Variants in OTUD7A observed in about 807,000 individuals in gnomAD.
OTUD7A encodes OTU domain-containing protein 7A.
In OTUD7A, 12 loss-of-function variants were observed where a neutral mutation model predicts 65.7. That is an observed-to-expected ratio of 0.18 (90% CI 0.12 to 0.30). The LOEUF is 0.30. Ranked by LOEUF, OTUD7A falls within the 10% of genes least tolerant of loss-of-function variation. OTUD7A has a pLI of 1.00. For missense variants in OTUD7A, 1,148 were observed against 1,304.8 expected, an observed-to-expected ratio of 0.88 and a Z score of 1.85; for synonymous variants, 641 against 586.3, an observed-to-expected ratio of 1.09 and a Z score of -1.35.
At chr15:31,761,381 CA>C (rs1175983355) in intron 1 of OTUD7A, among the ~76,000 whole-genome samples, 1 of 151,974 alleles carries the variant, frequency 6.6e-6, no homozygotes, top group Non-Finnish European at 1.5e-5. Context: ...AGATATTTCT[CA>C]AAAGAATACA....
intron 5 of OTUD7A, among the ~76,000 whole-genome samples, chr15:31,548,683 T>G (rs574510353): frequency 8.5e-4 from 130 of 152,246 alleles, no homozygotes; most frequent in African/African-American, 3.1e-3. Context: ...CCCCAATACG[T>G]GAAGGCTGCT....
chr15:31,826,883 T>G (rs1386158043), intron 1 of OTUD7A, among the ~76,000 whole-genome samples: 1 of 152,196 alleles, frequency 6.6e-6, no homozygotes, highest in African/African-American at 2.4e-5. Context: ...TAACAAGTCA[T>G]CTTTGCTTCA....
chr15:31,489,850 G>A (rs971201253), intron 10 of OTUD7A, among the ~76,000 whole-genome samples: 1 of 152,204 alleles, frequency 6.6e-6, no homozygotes, highest in Non-Finnish European at 1.5e-5. Flanking sequence ...GGCTGCCCAG[G>A]GCTCCAGTGC....
chr15:31,559,158 C>G lies in OTUD7A; in HGVS notation c.361G>C (p.Ala121Pro), dbSNP rs1310851544. The G allele has an allele frequency of 6.2e-7, 1 of 1,613,642 alleles. No individual in the cohort carries two copies. ...GCCAGGGAGACGATGGCTGAGCTGG[C>G]GTGGGAAATCCCCCGGGAAAGCCGC... is the stretch of plus-strand genomic sequence containing the variant. ...EKRLSRGISH[A>P]SSAIVSLARS... is the part of the protein sequence containing the mutation. The change falls in exon 5 of 13, where the codon GCC becomes CCC. Residue 121 changes from alanine (A) to proline (P), a missense_variant. Ala to Pro is a conservative substitution (Grantham distance 27, BLOSUM62 -1). Coordinates refer to ENST00000307050, the MANE Select transcript of OTUD7A (RefSeq NM_001382637.1).
In OTUD7A at chr15:31,865,825, T is replaced by C. The variant is rs1897862573; in HGVS notation, c.-100+4682A>G. On this transcript the variant is annotated intron_variant, in intron 1 of 12. Transcript: ENST00000307050. ...AGCACCATGTGAAACTTAACAGTAA[T>C]CTAATAAAACAAATGAAACGCTGAA... is the stretch of plus-strand genomic sequence containing the variant. 2.0e-5 allele frequency among the ~76,000 whole-genome samples: 3 copies of C among 152,164 alleles called. No homozygotes were observed. In the South Asian group the frequency reaches 6.2e-4, roughly 32 times the overall value.
chr15:31,726,792 T>C (rs2141355521), intron 1 of OTUD7A, among the ~76,000 whole-genome samples: 1 of 152,354 alleles, frequency 6.6e-6, no homozygotes, highest in South Asian at 2.1e-4. Flanking sequence ...ACGATGGCAT[T>C]GCCACGGTTC....
At chr15:31,867,025 G>C (rs1452471846) in intron 1 of OTUD7A, among the ~76,000 whole-genome samples, 1 of 152,144 alleles carries the variant, frequency 6.6e-6, no homozygotes, top group Non-Finnish European at 1.5e-5. Flanking sequence ...CAGTAGGAGA[G>C]AGGAGTCTTT....
At chr15:31,594,596 C>T (rs1889848534) in intron 3 of OTUD7A, among the ~76,000 whole-genome samples, 1 of 152,296 alleles carries the variant, frequency 6.6e-6, no homozygotes, top group African/African-American at 2.4e-5. Flanking sequence ...GGGTGGCCAA[C>T]CAGCCTACAC....
chr15:31,800,284 C>A (rs147165198), intron 1 of OTUD7A, among the ~76,000 whole-genome samples: 94 of 152,250 alleles, frequency 6.2e-4, no homozygotes, highest in African/African-American at 2.2e-3. Flanking sequence ...TTTCTGCTCC[C>A]AGGCAAAAAG....
intron 1 of OTUD7A, among the ~76,000 whole-genome samples, chr15:31,716,576 G>C (rs1893592374): frequency 7.3e-6 from 1 of 136,498 alleles, no homozygotes; most frequent in African/African-American, 2.5e-5. Flanking sequence ...TGTGCAGTGG[G>C]GAGAGACAAC....
chr15:31,502,067 C>T (rs948193780), intron 9 of OTUD7A, among the ~76,000 whole-genome samples: 2 of 152,138 alleles, frequency 1.3e-5, no homozygotes, highest in Non-Finnish European at 2.9e-5. Context: ...TACAGGAGCC[C>T]CAGGGCTGGG....
At chr15:31,801,053 C>CAAAAAAAAAAAAAAAAAAAAACAAA (rs772401103) in intron 1 of OTUD7A, among the ~76,000 whole-genome samples, 1 of 91,352 alleles carries the variant, frequency 1.1e-5, no homozygotes. Context: ...CCAGCAGCCT[C>CAAAAAAAAAAAAAAAAAAAAACAAA]AAAAAAAAAA....
chr15:31,696,628 C>A (rs1387291336), intron 1 of OTUD7A, among the ~76,000 whole-genome samples: 1 of 147,344 alleles, frequency 6.8e-6, no homozygotes, highest in Non-Finnish European at 1.5e-5. Context: ...GGGCCTGTGT[C>A]CCAGTGCTCA....
chr15:31,497,254 A>AT (rs35331601), intron 10 of OTUD7A, among the ~76,000 whole-genome samples: 15,048 of 148,132 alleles, frequency 0.1, 1,714 homozygotes, highest in African/African-American at 0.28. Context: ...TTATATGTTA[A>AT]TTTTTTTTTT....
At chr15:31,777,020 C>A (rs73378696) in intron 1 of OTUD7A, among the ~76,000 whole-genome samples, 1 of 152,042 alleles carries the variant, frequency 6.6e-6, no homozygotes, top group Non-Finnish European at 1.5e-5. Context: ...AGGCCACCTG[C>A]CCCCTAGCTC....
intron 1 of OTUD7A, among the ~76,000 whole-genome samples, chr15:31,785,723 G>A (rs1377540006): frequency 6.6e-6 from 1 of 152,222 alleles, no homozygotes; most frequent in Non-Finnish European, 1.5e-5. Context: ...GCAAAGCAGT[G>A]AGAGCCTGCC....
chr15:31,813,774 T>A (rs929246219), intron 1 of OTUD7A, among the ~76,000 whole-genome samples: 3 of 152,266 alleles, frequency 2.0e-5, no homozygotes, highest in African/African-American at 7.2e-5. Flanking sequence ...TTCACAAAGC[T>A]TTCTAGTTTT....
intron 1 of OTUD7A, among the ~76,000 whole-genome samples, chr15:31,776,482 G>C (rs894084546): frequency 6.6e-6 from 1 of 152,136 alleles, no homozygotes; most frequent in Admixed American, 6.5e-5. Flanking sequence ...GGCCCCTCCC[G>C]ACTCTCTCCT....
At chr15:31,827,675 C>T (rs1896831002) in intron 1 of OTUD7A, among the ~76,000 whole-genome samples, 1 of 152,062 alleles carries the variant, frequency 6.6e-6, no homozygotes, top group Non-Finnish European at 1.5e-5. Flanking sequence ...GCCTGTAATC[C>T]CAGCACTTTG....
Sources: gnomAD v4.1 joint callset for allele counts (sites outside exome capture counted in the v4.1 genomes callset) on GRCh38, gnomAD v4.1.1 for gene constraint, MANE v1.5 for transcripts, NCBI Gene and HGNC (gene_info 2026-07-23, HGNC 2026-07-21) for gene names.